The following N4BP2L2 variants were observed in gnomAD, a reference collection of about 807,000 sequenced individuals.
N4BP2L2 encodes the protein NEDD4-binding protein 2-like 2.
Under a neutral mutation model 56.2 loss-of-function variants are expected in N4BP2L2, and 50 were observed. The observed-to-expected ratio is 0.89, with a 90% CI of 0.71 to 1.13. The LOEUF (loss-of-function observed/expected upper bound fraction) is 1.13, where lower values mean the gene tolerates loss of function less well. Ranked by LOEUF, N4BP2L2 falls within the 50% of genes most tolerant of loss-of-function variation. The pLI, the probability that N4BP2L2 is intolerant of heterozygous loss-of-function variation, is 0.00. For missense variants in N4BP2L2, 689 were observed against 693.8 expected (o/e 0.99, Z 0.08); for synonymous variants, 203 against 223.6 (o/e 0.91, Z 0.82).
downstream of N4BP2L2, chr13:32,507,314 G>C (rs1226912811): frequency 1.3e-5 from 2 of 152,064 alleles, no homozygotes; most frequent in Non-Finnish European, 2.9e-5. Flanking sequence ...ATACAGACTG[G>C]AGTTCAGAGG....
intron 6 of N4BP2L2, among the ~76,000 whole-genome samples, chr13:32,499,249 C>T (rs1028715117): frequency 6.6e-6 from 1 of 152,098 alleles, no homozygotes; most frequent in Admixed American, 6.5e-5. Context: ...TGAAAAGTAA[C>T]CCACAGCTAC....
chr13:32,461,946 T>C (rs2080167589), intron 6 of N4BP2L2, among the ~76,000 whole-genome samples: 1 of 152,182 alleles, frequency 6.6e-6, no homozygotes, highest in East Asian at 1.9e-4. Flanking sequence ...AAGTAACAGA[T>C]GCTGGGGAGG....
At chr13:32,478,108 A>G (rs1251525883) in intron 6 of N4BP2L2, 2 of 1,237,326 alleles carry the variant, frequency 1.6e-6, no homozygotes, top group African/African-American at 1.5e-5. Context: ...GAAGATATGC[A>G]TTATAAAGTA....
intron 6 of N4BP2L2, chr13:32,478,125 G>A (rs144838586): frequency 2.0e-4 from 233 of 1,152,992 alleles, no homozygotes; most frequent in Non-Finnish European, 2.4e-4. Context: ...AGTAAATAAC[G>A]TCTACGCCAT....
exon 1 of N4BP2L2, chr13:32,538,727 G>C: frequency 1.0e-6 from 1 of 985,482 alleles, no homozygotes; most frequent in Non-Finnish European, 1.2e-6. Flanking sequence ...TAAAGCCGAG[G>C]TCTGGAGGGA....
Position 32,521,103 on chromosome 13 carries a change from T to C in N4BP2L2, c.1550+270A>G, listed in dbSNP as rs151228397. Reference sequence around the variant, plus strand: ...ATTGATTCCAAGGATCTTGGTATAATACTACGGTCCTGTAGTTGAAAAGAT... The same window carrying C: ...ATTGATTCCAAGGATCTTGGTATAACACTACGGTCCTGTAGTTGAAAAGAT... On this transcript the variant is annotated intron_variant, in intron 5 of 5. Transcript: ENST00000267068. Among the ~76,000 whole-genome samples the C allele has an allele frequency of 1.3e-3, 201 of 152,318 alleles. 1 individual carries two copies. Among genetic ancestry groups the C allele is most frequent in the African/African-American group, 4.2e-3 (174 of 41,572 alleles).
At chr13:32,494,322 A>G (rs777687646) in intron 6 of N4BP2L2, among the ~76,000 whole-genome samples, 3 of 152,010 alleles carry the variant, frequency 2.0e-5, no homozygotes, top group Non-Finnish European at 4.4e-5. Flanking sequence ...GATTTGAAGG[A>G]GATATCCTGT....
chr13:32,460,862 G>A (rs1261037395), intron 6 of N4BP2L2, among the ~76,000 whole-genome samples: 2 of 152,000 alleles, frequency 1.3e-5, no homozygotes, highest in Admixed American at 6.6e-5. Flanking sequence ...CACACTACCT[G>A]ACTTATAAGG....
At chr13:32,524,809 C>T (rs1222963469) in intron 3 of N4BP2L2, 6 of 152,220 alleles carry the variant, frequency 3.9e-5, no homozygotes, top group Admixed American at 3.3e-4. Flanking sequence ...GTCACCCAGA[C>T]TGGAGTGCAG....
chr13:32,535,729 T>G, intron 2 of N4BP2L2, 40 bp downstream of exon 2: 4 of 1,562,916 alleles, frequency 2.6e-6, no homozygotes, highest in Non-Finnish European at 3.5e-6. Flanking sequence ...AATTTTTAAA[T>G]AATGAATTAC....
At chr13:32,492,644 T>G (rs1217156225) in intron 6 of N4BP2L2, among the ~76,000 whole-genome samples, 1 of 152,174 alleles carries the variant, frequency 6.6e-6, no homozygotes, top group Middle Eastern at 3.2e-3. Context: ...GATTTACTAC[T>G]TTTTGAGTTC....
chr13:32,490,171 A>T (rs1167933363), intron 6 of N4BP2L2: 1 of 151,594 alleles, frequency 6.6e-6, no homozygotes, highest in African/African-American at 2.4e-5. Context: ...CATATAATTT[A>T]CTCGTCATCT....
chr13:32,535,327 A>G (rs1289401666), intron 2 of N4BP2L2, among the ~76,000 whole-genome samples: 2 of 152,230 alleles, frequency 1.3e-5, no homozygotes, highest in African/African-American at 2.4e-5. Context: ...GTAGGCCAGG[A>G]CAGTTCTCAA....
chr13:32,528,112 T>A (rs2053612046), intron 2 of N4BP2L2, among the ~76,000 whole-genome samples: 2 of 152,222 alleles, frequency 1.3e-5, no homozygotes, highest in African/African-American at 4.8e-5. Flanking sequence ...TGCAACTTTT[T>A]AAAACATTAT....
exon 7 of N4BP2L2, chr13:32,442,782 C>A: frequency 6.2e-7 from 1 of 1,613,462 alleles, no homozygotes; most frequent in Non-Finnish European, 8.5e-7. Context: ...ATGCAGAGCA[C>A]CTTAGTCTGT....
intron 6 of N4BP2L2, among the ~76,000 whole-genome samples, chr13:32,489,208 T>G (rs1040581594): frequency 5.9e-5 from 9 of 152,266 alleles, no homozygotes; most frequent in African/African-American, 2.2e-4. Context: ...TCTTATTTGA[T>G]GACTTCACTA....
At chr13:32,442,080 A>G (rs2076479198) in intron 7 of N4BP2L2, among the ~76,000 whole-genome samples, 1 of 152,160 alleles carries the variant, frequency 6.6e-6, no homozygotes, top group Admixed American at 6.5e-5. Context: ...AAAGCAGCCT[A>G]TCTCTACTGA....
At chr13:32,498,988 A>T (rs1164225299) in intron 6 of N4BP2L2, among the ~76,000 whole-genome samples, 1 of 14,424 alleles carries the variant, frequency 6.9e-5, no homozygotes, top group East Asian at 1.4e-3. Context: ...GACTCTGTCT[A>T]AAAAAAAAAA....
exon 2 of N4BP2L2, chr13:32,536,290 A>G: frequency 6.2e-7 from 1 of 1,613,538 alleles, no homozygotes; most frequent in South Asian, 1.1e-5. Context: ...CATTACAGGG[A>G]TATTTGTCTG....
Sources: gnomAD v4.1 joint callset for allele counts (sites outside exome capture counted in the v4.1 genomes callset) on GRCh38, gnomAD v4.1.1 for gene constraint, MANE v1.5 for transcripts, NCBI Gene and HGNC (gene_info 2026-07-23, HGNC 2026-07-21) for gene names.